The following CUX1 variants were observed in gnomAD, a reference collection of about 807,000 sequenced individuals.
CUX1 encodes cut like homeobox 1.
A neutral mutation model predicts 158.8 loss-of-function variants in CUX1; 31 were observed. That is an observed-to-expected ratio of 0.20 (90% CI 0.15 to 0.26). The LOEUF is 0.26. CUX1 is among the 10% of genes least tolerant of loss of function. The pLI is 1.00. For missense variants in CUX1, 1,589 were observed against 2,014.6 expected, an observed-to-expected ratio of 0.79 and a Z score of 4.04; for synonymous variants, 879 against 862.1, an observed-to-expected ratio of 1.02 and a Z score of -0.34.
chr7:101,856,772 C>T (rs1191517783), intron 1 of CUX1, among the ~76,000 whole-genome samples: 2 of 152,204 alleles, frequency 1.3e-5, no homozygotes, highest in Non-Finnish European at 2.9e-5. Flanking sequence ...CCTCTTCACT[C>T]GGGCTCCCTT....
At chr7:102,054,226 T>C (rs754054667) in intron 3 of CUX1, among the ~76,000 whole-genome samples, 21 of 152,216 alleles carry the variant, frequency 1.4e-4, no homozygotes, top group Admixed American at 1.0e-3. Context: ...TAAGAAACCA[T>C]TGCCTAATCC....
chr7:102,110,933 C>A (rs1554489875), intron 6 of CUX1, among the ~76,000 whole-genome samples: 1 of 152,080 alleles, frequency 6.6e-6, no homozygotes, highest in Non-Finnish European at 1.5e-5. Context: ...CCCTGAGTGT[C>A]CATAATTGAA....
At chr7:101,902,031 A>G (rs1194712818) in intron 1 of CUX1, among the ~76,000 whole-genome samples, 1 of 152,214 alleles carries the variant, frequency 6.6e-6, no homozygotes, top group Non-Finnish European at 1.5e-5. Flanking sequence ...TGGCAGTGGC[A>G]GGACTATTTT....
At chr7:101,879,994 G>A (rs540727197) in intron 1 of CUX1, among the ~76,000 whole-genome samples, 5 of 152,330 alleles carry the variant, frequency 3.3e-5, no homozygotes, top group African/African-American at 9.6e-5. Context: ...TGGCTTTGCT[G>A]GGGGCTGGGG....
chr7:101,851,880 G>C (rs1291525715), intron 1 of CUX1, among the ~76,000 whole-genome samples: 1 of 150,222 alleles, frequency 6.7e-6, no homozygotes, highest in African/African-American at 2.5e-5. Flanking sequence ...CCAGGCCAGA[G>C]TGTGGTGGCA....
At chr7:102,246,272 C>T (rs1373455954) in intron 23 of CUX1, among the ~76,000 whole-genome samples, 2 of 152,162 alleles carry the variant, frequency 1.3e-5, no homozygotes, top group African/African-American at 4.8e-5. Context: ...AACCTGTTCA[C>T]AGAAGCCACC....
chr7:102,038,848 A>G (rs1320040546), intron 3 of CUX1, among the ~76,000 whole-genome samples: 1 of 152,052 alleles, frequency 6.6e-6, no homozygotes. Context: ...CCAGCTACTC[A>G]GGAGGCTGAG....
intron 1 of CUX1, among the ~76,000 whole-genome samples, chr7:101,852,661 G>A (rs937602540): frequency 3.5e-4 from 51 of 143,834 alleles, no homozygotes; most frequent in African/African-American, 7.9e-4. Context: ...TGTTCTCTGC[G>A]TTGGAATTTT....
chr7:102,039,827 C>T (rs1352427511), intron 3 of CUX1, among the ~76,000 whole-genome samples: 2 of 152,124 alleles, frequency 1.3e-5, no homozygotes, highest in Non-Finnish European at 2.9e-5. Flanking sequence ...GCTACAACCA[C>T]GATCTGCATC....
intron 14 of CUX1, among the ~76,000 whole-genome samples, chr7:102,263,456 G>C (rs1790564903): frequency 6.6e-6 from 1 of 151,520 alleles, no homozygotes; most frequent in South Asian, 2.1e-4. Context: ...TGGGACTACA[G>C]GTGCACACTG....
intron 2 of CUX1, among the ~76,000 whole-genome samples, chr7:101,985,084 A>G (rs577241294): frequency 6.6e-6 from 1 of 152,318 alleles, no homozygotes; most frequent in East Asian, 1.9e-4. Context: ...TAAAGAATTG[A>G]AATTATGAAT....
Position 102,005,836 on chromosome 7 carries a change from C to T in CUX1, c.142-22262C>T, listed in dbSNP as rs370683904. 1.1e-4 allele frequency among the ~76,000 whole-genome samples: 16 copies of T among 152,292 alleles called. 1 individual carries two copies. In the South Asian group the frequency reaches 3.3e-3, roughly 32 times the overall value. On this transcript the variant is annotated intron_variant, in intron 2 of 23. Coordinates refer to ENST00000292535, the MANE Select transcript of CUX1 (RefSeq NM_181552.4). ...TTCTGGAGGCACAAGTAGTGTAGCTCCTCTTAGGCCCTTTCGATGAAGTAA... is the reference window on the plus strand; with the variant it reads ...TTCTGGAGGCACAAGTAGTGTAGCTTCTCTTAGGCCCTTTCGATGAAGTAA...
rs1190234818 is a variant in CUX1 at position 102,227,956 on chromosome 7, T to C, written c.3433+287T>C. Among the ~76,000 whole-genome samples the C allele has an allele frequency of 3.8e-4, 55 of 144,826 alleles. 1 individual carries two copies. The highest frequency in any genetic ancestry group is 1.1e-3 in the African/African-American group (42 of 39,548). ...ACAGACTGTCTCTTTTTTTTCTTTT[T>C]TTTTTTTTTTTTTTGAGACAGTCTT... On this transcript the variant is annotated intron_variant, in intron 21 of 23. Transcript: ENST00000292535.
chr7:102,201,397 G>A lies in CUX1; in HGVS notation c.2100G>A (p.Gly700=), dbSNP rs1795423254. The change falls in exon 18 of 24, where the codon GGG becomes GGA. Residue 700 remains glycine (G), a synonymous_variant. Transcript: ENST00000292535. This position sits in a 1 kb window ranked among gnomAD's most constrained non-coding sequence, Gnocchi z 5.0. ...PAQPSSASGS[G]NSDDAIRSIL... is the part of the protein sequence containing the mutation. ...AGCCTTCCTCCGCATCCGGCAGCGGGAACTCTGATGACGCCATCCGCTCCA... is the reference window on the plus strand; with the variant it reads ...AGCCTTCCTCCGCATCCGGCAGCGGAAACTCTGATGACGCCATCCGCTCCA... 10 of 1,613,932 alleles carry A rather than the reference G, an allele frequency of 6.2e-6. No homozygotes were observed. The East Asian group carries it at 2.2e-4, about 36-fold the overall frequency.
chr7:101,863,708 A>AT (rs1027284438), intron 1 of CUX1, among the ~76,000 whole-genome samples: 7 of 151,698 alleles, frequency 4.6e-5, no homozygotes, highest in African/African-American at 1.7e-4. Context: ...ATAACACTCC[A>AT]TTTCTTCCCC....
chr7:101,896,088 A>G (rs921014361), intron 1 of CUX1, among the ~76,000 whole-genome samples: 1 of 151,724 alleles, frequency 6.6e-6, no homozygotes, highest in Non-Finnish European at 1.5e-5. Context: ...TCGAAGAGAC[A>G]GGGTCTCCTT....
At chr7:101,846,823 T>C in intron 1 of CUX1, among the ~76,000 whole-genome samples, 1 of 152,112 alleles carries the variant, frequency 6.6e-6, no homozygotes, top group Admixed American at 6.6e-5. Context: ...TGTGTTGGTC[T>C]GGTATGGATG....
intron 2 of CUX1, 54 bp from the exon 3 acceptor site, chr7:102,028,043 TC>T (rs755470058): frequency 8.0e-5 from 128 of 1,599,520 alleles, no homozygotes; most frequent in South Asian, 7.9e-4. Context: ...AACCAATGTT[TC>T]CCTTCTTTCT....
intron 2 of CUX1, among the ~76,000 whole-genome samples, chr7:101,955,434 T>C (rs1184305353): frequency 6.6e-6 from 1 of 152,222 alleles, no homozygotes; most frequent in Non-Finnish European, 1.5e-5. Context: ...GCCCATTTTA[T>C]AGACTTGAGG....
Sources: allele counts gnomAD v4.1 joint callset (sites outside exome capture counted in the v4.1 genomes callset), GRCh38; gene constraint gnomAD v4.1.1; non-coding constraint Gnocchi (gnomAD v3.1); transcripts MANE v1.5; gene names NCBI Gene and HGNC (gene_info 2026-07-23, HGNC 2026-07-21).